Variants in IGF1 observed in about 807,000 individuals in gnomAD.
IGF1 encodes insulin like growth factor 1, also known as insulin-like growth factor 1.
Under a neutral mutation model 13.8 loss-of-function variants are expected in IGF1, and 4 were observed. The observed-to-expected ratio is 0.29, with a 90% CI of 0.14 to 0.66. The LOEUF is 0.66. Among genes scored for constraint, IGF1 ranks in the 30% least tolerant of loss-of-function variants. The pLI, the probability that IGF1 is intolerant of heterozygous loss-of-function variation, is 0.78. For missense variants in IGF1, 124 were observed against 188.5 expected, an observed-to-expected ratio of 0.66 and a Z score of 2.00; for synonymous variants, 76 against 72.6, an observed-to-expected ratio of 1.05 and a Z score of -0.23.
chr12:102,478,313 AAAAG>A (rs1383217643), intron 1 of IGF1, among the ~76,000 whole-genome samples: 1 of 152,136 alleles, frequency 6.6e-6, no homozygotes, highest in Non-Finnish European at 1.5e-5. Flanking sequence ...ACATGAGAAA[AAAAG>A]AAAAAAAAAT....
At position 102,439,188 on chromosome 12, in the gene IGF1, G is replaced by A. The variant is rs138595767; in HGVS notation, c.221-19498C>T. 3.3e-3 allele frequency among the ~76,000 whole-genome samples: 495 copies of A among 152,288 alleles called. 5 individuals are homozygous for A. The highest frequency in any genetic ancestry group is 0.011 in the African/African-American group (461 of 41,564). ...CCAGTGTCTACCCTGTTCAAAAGATGTTTCATGAATAAATGAATGGAGAAG... is the reference window on the plus strand; with the variant it reads ...CCAGTGTCTACCCTGTTCAAAAGATATTTCATGAATAAATGAATGGAGAAG... On this transcript the variant is annotated intron_variant, in intron 2 of 3. Transcript: ENST00000337514.
chr12:102,435,854 A>G (rs530129167), intron 2 of IGF1, among the ~76,000 whole-genome samples: 15 of 152,364 alleles, frequency 9.8e-5, no homozygotes, highest in African/African-American at 3.6e-4. Flanking sequence ...TGCTGTTTCA[A>G]CAGGTACTGG....
chr12:102,401,356 C>A lies in IGF1; in HGVS notation c.*1151G>T, dbSNP rs973167932. Reference sequence around the variant, plus strand: ...AACCAGGACTGCTAAAATTCCTAGCCTTCTGCTTTTTCCATTCCACAGTTT... The same window carrying A: ...AACCAGGACTGCTAAAATTCCTAGCATTCTGCTTTTTCCATTCCACAGTTT... On this transcript the variant is annotated 3_prime_UTR_variant, in exon 4 of 4. Coordinates refer to ENST00000337514, the MANE Select transcript of IGF1 (RefSeq NM_000618.5). The A allele has an allele frequency of 2.0e-5, 3 of 152,512 alleles. No individual in the cohort carries two copies. Among genetic ancestry groups the A allele is most frequent in the African/African-American group, 4.8e-5 (2 of 41,442 alleles). 9.4% of individuals were successfully genotyped at this position (152,512 alleles called of 1,614,324 possible). A position where few individuals can be genotyped will look rare whatever the true frequency, so the allele number is the denominator to read the frequency against.
At chr12:102,452,363 A>AACCTCTTTT (rs1020553879) in intron 2 of IGF1, among the ~76,000 whole-genome samples, 104 of 151,852 alleles carry the variant, frequency 6.8e-4, no homozygotes, top group African/African-American at 2.4e-3. Flanking sequence ...GAGTCAATTA[A>AACCTCTTTT]ACCTCTTTTC....
intron 2 of IGF1, chr12:102,463,490 C>T (rs1275003218): frequency 2.0e-5 from 3 of 152,098 alleles, no homozygotes; most frequent in African/African-American, 7.2e-5. Context: ...CAGCTTTTTC[C>T]TTTATTTCTT....
Position 102,480,478 on chromosome 12 carries a change from C to G in IGF1, c.-97G>C. The G allele has an allele frequency of 6.3e-7, 1 of 1,591,442 alleles. No individual in the cohort carries two copies. Among genetic ancestry groups the G allele is most frequent in the Non-Finnish European group, 8.6e-7 (1 of 1,169,324 alleles). On this transcript the variant is annotated 5_prime_UTR_variant, in exon 1 of 4. The change abolishes an upstream ATG in the 5' untranslated region. Coordinates refer to ENST00000337514, the MANE Select transcript of IGF1 (RefSeq NM_000618.5). ...ATGGGAGATGTTGAGAGCAATGTCACATTTCAATTTTGAGGACTTTATTCC... is the reference window on the plus strand; with the variant it reads ...ATGGGAGATGTTGAGAGCAATGTCAGATTTCAATTTTGAGGACTTTATTCC...
At position 102,399,740 on chromosome 12, in the gene IGF1, A is replaced by G. The variant is rs1160632028; in HGVS notation, c.*2767T>C. On this transcript the variant is annotated 3_prime_UTR_variant, in exon 4 of 4. Coordinates refer to ENST00000337514, the MANE Select transcript of IGF1 (RefSeq NM_000618.5). ...CTGTGGATAGAATTAAGTGAAGGAA[A>G]TAAGTCATAGACACTCTTAGAATTA... The G allele has an allele frequency of 6.6e-6, 1 of 152,194 alleles. No individual in the cohort carries two copies. Among genetic ancestry groups the G allele is most frequent in the African/African-American group, 2.4e-5 (1 of 41,452 alleles). 9.4% of individuals were successfully genotyped at this position (152,194 alleles called of 1,614,324 possible).
intron 2 of IGF1, among the ~76,000 whole-genome samples, chr12:102,446,152 A>G (rs1163632466): frequency 6.6e-6 from 1 of 152,136 alleles, no homozygotes; most frequent in Non-Finnish European, 1.5e-5. Flanking sequence ...TTTCATATTG[A>G]TGTTCATCAG....
chr12:102,446,355 GT>G (rs895862264), intron 2 of IGF1, among the ~76,000 whole-genome samples: 3 of 150,782 alleles, frequency 2.0e-5, no homozygotes, highest in African/African-American at 4.9e-5. Flanking sequence ...CTGGTCCTGG[GT>G]TTTTTTTTGG....
At chr12:102,424,960 T>C (rs954627664) in intron 2 of IGF1, among the ~76,000 whole-genome samples, 1 of 152,214 alleles carries the variant, frequency 6.6e-6, no homozygotes, top group African/African-American at 2.4e-5. Flanking sequence ...GTCATGTGCT[T>C]AGTAAAGATA....
At chr12:102,419,488 A>T in intron 3 of IGF1, 21 bp downstream of exon 3, 1 of 1,609,184 alleles carries the variant, frequency 6.2e-7, no homozygotes, top group South Asian at 1.1e-5. Flanking sequence ...GGATGGCTGG[A>T]TCCCACCCAG....
At chr12:102,436,708 AT>A (rs1395551807) in intron 2 of IGF1, among the ~76,000 whole-genome samples, 1 of 152,212 alleles carries the variant, frequency 6.6e-6, no homozygotes, top group Non-Finnish European at 1.5e-5. Context: ...AAAAATTATA[AT>A]TTTTTATTTA....
chr12:102,470,681 A>G (rs1880632213), intron 2 of IGF1, among the ~76,000 whole-genome samples: 1 of 152,196 alleles, frequency 6.6e-6, no homozygotes, highest in Non-Finnish European at 1.5e-5. Context: ...CATAGCAGGC[A>G]GTCTAAGGGG....
At chr12:102,411,492 T>C (rs1216726930) in intron 3 of IGF1, among the ~76,000 whole-genome samples, 1 of 152,206 alleles carries the variant, frequency 6.6e-6, no homozygotes, top group East Asian at 1.9e-4. Context: ...TGAATGTTTA[T>C]ACATTGTACC....
intron 3 of IGF1, among the ~76,000 whole-genome samples, chr12:102,410,245 G>A (rs1047763297): frequency 6.6e-6 from 1 of 152,184 alleles, no homozygotes; most frequent in Non-Finnish European, 1.5e-5. Flanking sequence ...GACAAGAGGT[G>A]TTTATGTTGC....
chr12:102,465,078 C>T (rs1880206058), intron 2 of IGF1, among the ~76,000 whole-genome samples: 1 of 152,198 alleles, frequency 6.6e-6, no homozygotes, highest in Non-Finnish European at 1.5e-5. Context: ...CATTAATTAA[C>T]TCTTGGGTGG....
chr12:102,448,784 G>A (rs577584683), intron 2 of IGF1, among the ~76,000 whole-genome samples: 362 of 150,850 alleles, frequency 2.4e-3, no homozygotes, highest in African/African-American at 8.2e-3. Flanking sequence ...TGCAGCCATC[G>A]GACATGAAAA....
chr12:102,437,313 G>A (rs552743087), intron 2 of IGF1, among the ~76,000 whole-genome samples: 7 of 152,228 alleles, frequency 4.6e-5, no homozygotes, highest in Non-Finnish European at 8.8e-5. Flanking sequence ...CACTTGTGTG[G>A]TGAAGGCTGA....
intron 2 of IGF1, among the ~76,000 whole-genome samples, chr12:102,448,411 C>T (rs1878550617): frequency 6.8e-6 from 1 of 146,466 alleles, no homozygotes; most frequent in Non-Finnish European, 1.5e-5. Flanking sequence ...AAATTGGAAA[C>T]CATCATTCTC....
Sources: allele counts gnomAD v4.1 joint callset (sites outside exome capture counted in the v4.1 genomes callset), GRCh38; gene constraint gnomAD v4.1.1; transcripts MANE v1.5; gene names NCBI Gene and HGNC (gene_info 2026-07-23, HGNC 2026-07-21).